The following ASXL3 variants were observed in gnomAD, a reference collection of about 807,000 sequenced individuals.
ASXL3 encodes the protein ASXL transcriptional regulator 3.
ASXL3 carries 34 observed loss-of-function variants against 170.6 expected under a neutral mutation model. That is an observed-to-expected ratio of 0.20 (90% confidence interval 0.15 to 0.27). The LOEUF (loss-of-function observed/expected upper bound fraction) is 0.27. Ranked by LOEUF, ASXL3 falls within the 10% of genes least tolerant of loss-of-function variation. ASXL3 has a pLI of 1.00. For synonymous variants in ASXL3, 1,002 were observed against 989.1 expected (o/e 1.01, Z -0.24); for missense variants, 2,592 against 2,695.3 (o/e 0.96, Z 0.85).
intron 1 of ASXL3, among the ~76,000 whole-genome samples, chr18:33,597,623 T>C (rs11661826): frequency 1 from 152,048 of 152,092 alleles, 76,002 homozygotes; most frequent in Middle Eastern, 1. Context: ...TGTTAAATTA[T>C]CCTCCAAGTG....
At chr18:33,670,249 C>T (rs2066318754) in intron 5 of ASXL3, among the ~76,000 whole-genome samples, 1 of 152,222 alleles carries the variant, frequency 6.6e-6, no homozygotes, top group Non-Finnish European at 1.5e-5. Context: ...TCAGTGTTAA[C>T]TTGATTGACT....
rs550354645 is a variant in ASXL3 at position 33,584,908 on chromosome 18, G to A, written c.54+6223G>A. Among the ~76,000 whole-genome samples, 3 of 151,950 alleles carry A rather than the reference G, an allele frequency of 2.0e-5. No homozygotes were observed. In the East Asian group the frequency reaches 5.8e-4, roughly 29 times the overall value. ...TGTGTGTGTGTATGTGTGTCTGTAT[G>A]TGTGTGTGTATACTTTTTTTTTTCT... On this transcript the variant is annotated intron_variant, in intron 1 of 11. Transcript: ENST00000269197.
intron 4 of ASXL3, among the ~76,000 whole-genome samples, chr18:33,654,758 AC>A (rs1450706644): frequency 6.6e-6 from 1 of 151,854 alleles, no homozygotes; most frequent in Non-Finnish European, 1.5e-5. Context: ...ACTCTCCATT[AC>A]CCTGTGAGCG....
chr18:33,746,639 C>T lies in ASXL3; in HGVS notation c.*44C>T. ...AGTATCCCTTTTCCACACGGAAAAG[C>T]CAAATAGCATCAGCAACAACAAATA... On this transcript the variant is annotated 3_prime_UTR_variant, in exon 12 of 12. Transcript: ENST00000269197. The T allele has an allele frequency of 6.6e-7, 1 of 1,513,094 alleles. No individual in the cohort carries two copies. Among genetic ancestry groups the T allele is most frequent in the South Asian group, 1.3e-5 (1 of 75,372 alleles). 93.7% of individuals were successfully genotyped at this position (1,513,094 alleles called of 1,614,324 possible).
At chr18:33,639,135 A>C (rs1372650281) in intron 2 of ASXL3, among the ~76,000 whole-genome samples, 1 of 152,202 alleles carries the variant, frequency 6.6e-6, no homozygotes, top group Non-Finnish European at 1.5e-5. Flanking sequence ...TAGTAGTATT[A>C]ATAAAATAAG....
At chr18:33,604,969 C>T (rs2065228235) in intron 1 of ASXL3, among the ~76,000 whole-genome samples, 1 of 151,834 alleles carries the variant, frequency 6.6e-6, no homozygotes, top group African/African-American at 2.4e-5. Context: ...AAAATAAGTA[C>T]TTGAAAGAAA....
intron 5 of ASXL3, among the ~76,000 whole-genome samples, chr18:33,667,618 C>T (rs9964003): frequency 0.018 from 2,728 of 152,166 alleles, 82 homozygotes; most frequent in African/African-American, 0.063. Context: ...TTTCACGCAA[C>T]CACTTTCTTC....
chr18:33,593,696 C>G (rs532852181), intron 1 of ASXL3, among the ~76,000 whole-genome samples: 8 of 152,224 alleles, frequency 5.3e-5, no homozygotes, highest in Middle Eastern at 3.4e-3. Flanking sequence ...TTCTCACAAA[C>G]AGGGATTAAG....
chr18:33,750,123 T>G lies in ASXL3; in HGVS notation c.*3528T>G, dbSNP rs895317414. On this transcript the variant is annotated 3_prime_UTR_variant, in exon 12 of 12. Transcript: ENST00000269197. Reference sequence around the variant, plus strand: ...TAGCTGCCTAGTGGGAATGACCCCCTGAGCATGCAGAGCCCAGAGTCACTG... The same window carrying G: ...TAGCTGCCTAGTGGGAATGACCCCCGGAGCATGCAGAGCCCAGAGTCACTG... 6.6e-6 allele frequency: 1 copy of G among 152,242 alleles called. No individual in the cohort carries two copies. Among genetic ancestry groups the G allele is most frequent in the African/African-American group, 2.4e-5 (1 of 41,456 alleles). The allele number at this position is 152,242 out of a possible 1,614,324, so 9.4% of individuals were successfully genotyped here. A position where few individuals can be genotyped will look rare whatever the true frequency, so the allele number is the denominator to read the frequency against.
At chr18:33,675,723 A>T (rs1185390531) in intron 7 of ASXL3, among the ~76,000 whole-genome samples, 12 of 152,114 alleles carry the variant, frequency 7.9e-5, no homozygotes, top group African/African-American at 2.7e-4. Flanking sequence ...GGGCCTTAGC[A>T]TCTAAGGAGT....
chr18:33,689,570 C>A (rs1427841579), intron 8 of ASXL3, among the ~76,000 whole-genome samples: 1 of 152,088 alleles, frequency 6.6e-6, no homozygotes, highest in African/African-American at 2.4e-5. Context: ...TGTTATAAAC[C>A]AATTTGAGTT....
Position 33,739,859 on chromosome 18 carries a change from G to T in ASXL3, c.2455G>T (p.Ala819Ser). The change falls in exon 11 of 12, where the codon GCT (alanine) becomes TCT (serine). Residue 819 changes from alanine (A) to serine (S), a missense_variant. Ala to Ser is a moderately conservative substitution (Grantham distance 99). This residue lies in a region of ASXL3 where 2,246 missense variants were observed against 2,219.6 expected (regional missense o/e 1.01). Transcript: ENST00000269197. Reference protein sequence around the residue: ...EPIIMSSSSIAPEAFPSEDLH... With the variant: ...EPIIMSSSSISPEAFPSEDLH... Reference sequence around the variant, plus strand: ...CATCATAATGAGTTCTTCTTCCATTGCTCCTGAAGCATTTCCGTCTGAAGA... The same window carrying T: ...CATCATAATGAGTTCTTCTTCCATTTCTCCTGAAGCATTTCCGTCTGAAGA... The T allele has an allele frequency of 6.2e-7, 1 of 1,613,802 alleles. No individual in the cohort carries two copies. Among genetic ancestry groups the T allele is most frequent in the South Asian group, 1.1e-5 (1 of 91,056 alleles).
chr18:33,634,161 G>T (rs2066965), intron 2 of ASXL3, among the ~76,000 whole-genome samples: 4,651 of 152,128 alleles, frequency 0.031, 239 homozygotes, highest in African/African-American at 0.11. Flanking sequence ...TTGCTTGCAT[G>T]AAAACATTAA....
chr18:33,717,664 G>A (rs551967626), intron 8 of ASXL3, among the ~76,000 whole-genome samples: 6 of 152,226 alleles, frequency 3.9e-5, no homozygotes, highest in South Asian at 2.1e-4. Context: ...GACTACCATG[G>A]AATGTCTTGA....
At chr18:33,729,517 G>A (rs904514265) in intron 8 of ASXL3, among the ~76,000 whole-genome samples, 1 of 152,086 alleles carries the variant, frequency 6.6e-6, no homozygotes, top group African/African-American at 2.4e-5. Context: ...AGAAATGTTT[G>A]GTGTAGACTT....
chr18:33,742,700 T>C lies in ASXL3; in HGVS notation c.3040-188T>C, dbSNP rs74377072. On this transcript the variant is annotated intron_variant, in intron 11 of 11. Transcript: ENST00000269197. ...ATTAAAAAACAGATTAAAAACTTAA[T>C]TTTTTCCATTCATACTACGTTTCTT... 0.018 allele frequency among the ~76,000 whole-genome samples: 2,687 copies of C among 152,266 alleles called. 35 individuals are homozygous for C. The highest frequency in any genetic ancestry group is 0.027 in the Non-Finnish European group (1,843 of 68,022).
At chr18:33,590,628 T>C (rs1258375595) in intron 1 of ASXL3, among the ~76,000 whole-genome samples, 1 of 152,182 alleles carries the variant, frequency 6.6e-6, no homozygotes, top group Admixed American at 6.5e-5. Context: ...TCATTACTTC[T>C]GTTATTATTT....
intron 2 of ASXL3, among the ~76,000 whole-genome samples, chr18:33,641,599 T>C (rs2065847878): frequency 6.6e-6 from 1 of 151,960 alleles, no homozygotes; most frequent in East Asian, 1.9e-4. Context: ...GGGGAAAAAA[T>C]CGAAGCCACC....
Position 33,745,349 on chromosome 18 carries a change from C to A in ASXL3, c.5501C>A (p.Thr1834Asn). ...CACCCCAAAAAGAGAGTAGCTAGGA[C>A]TGTAGGAGAACACACTCAAGTTAAA... ...ENHPKKRVAR[T>N]VGEHTQVKCE... The change falls in exon 12 of 12, where the codon ACT (threonine) becomes AAT (asparagine). Residue 1834 changes from threonine to asparagine, a missense_variant. Around this residue, in one of 4 missense-constraint regions of ASXL3, gnomAD observed 2,246 missense variants for 2,219.6 expected, o/e 1.01. Transcript: ENST00000269197. The A allele has an allele frequency of 6.2e-7, 1 of 1,613,982 alleles. No homozygotes were observed. The highest frequency in any genetic ancestry group is 8.5e-7 in the Non-Finnish European group (1 of 1,179,886).
Sources: gnomAD v4.1 joint callset for allele counts (sites outside exome capture counted in the v4.1 genomes callset) on GRCh38, gnomAD v4.1.1 for gene constraint, gnomAD v4.1.1 regional missense constraint, MANE v1.5 for transcripts, NCBI Gene and HGNC (gene_info 2026-07-23, HGNC 2026-07-21) for gene names.